Variants in NAV3 observed in about 807,000 individuals in gnomAD.
NAV3 encodes neuron navigator 3.
NAV3 carries 87 observed loss-of-function variants against 244.7 expected under a neutral mutation model. That is an observed-to-expected ratio of 0.36 (90% CI 0.30 to 0.42). The LOEUF (loss-of-function observed/expected upper bound fraction) is 0.42. Ranked by LOEUF, NAV3 falls within the 20% of genes least tolerant of loss-of-function variation. NAV3 has a pLI of 1.00. For synonymous variants in NAV3, 1,126 were observed against 1,042.2 expected (o/e 1.08, Z -1.55); for missense variants, 2,663 against 2,893.3 (o/e 0.92, Z 1.83).
intron 9 of NAV3, among the ~76,000 whole-genome samples, chr12:78,042,796 A>T (rs944493391): frequency 1.3e-5 from 2 of 152,164 alleles, no homozygotes; most frequent in African/African-American, 4.8e-5. Context: ...CTAAAAATGA[A>T]AATGAAATAA....
At chr12:77,869,975 C>G (rs1880690372) in intron 1 of NAV3, among the ~76,000 whole-genome samples, 1 of 152,144 alleles carries the variant, frequency 6.6e-6, no homozygotes, top group African/African-American at 2.4e-5. Flanking sequence ...AACACATGCT[C>G]TTTTGTTGTT....
At chr12:77,730,318 A>C (rs1389856734) in intron 2 of NAV3, among the ~76,000 whole-genome samples, 1 of 151,968 alleles carries the variant, frequency 6.6e-6, no homozygotes, top group Non-Finnish European at 1.5e-5. Flanking sequence ...CACAGGAAAG[A>C]TGAATAGGAT....
chr12:77,712,268 T>G (rs113036147), intron 2 of NAV3, among the ~76,000 whole-genome samples: 11 of 152,194 alleles, frequency 7.2e-5, no homozygotes, highest in African/African-American at 2.7e-4. Context: ...ACTGGACCAA[T>G]GAAAGATTCT....
intron 2 of NAV3, among the ~76,000 whole-genome samples, chr12:77,773,837 G>C (rs1011679446): frequency 1.3e-5 from 2 of 151,998 alleles, no homozygotes; most frequent in African/African-American, 4.8e-5. Flanking sequence ...TTTTAGGTCA[G>C]CTAATCCCTG....
chr12:78,092,486 A>ATTTTTTT (rs1953998816), intron 12 of NAV3, among the ~76,000 whole-genome samples: 2 of 59,128 alleles, frequency 3.4e-5, no homozygotes, highest in Admixed American at 1.7e-4. Context: ...AGCGTTAGTT[A>ATTTTTTT]TTTTCTTTTT....
chr12:77,783,459 G>T (rs1008428466), intron 2 of NAV3: 1 of 152,166 alleles, frequency 6.6e-6, no homozygotes, highest in Non-Finnish European at 1.5e-5. Flanking sequence ...GAAGGGTGTG[G>T]TGCACAGAGG....
At chr12:77,721,321 G>C (rs190536971) in intron 2 of NAV3, among the ~76,000 whole-genome samples, 1 of 151,828 alleles carries the variant, frequency 6.6e-6, no homozygotes, top group Non-Finnish European at 1.5e-5. Flanking sequence ...AACCTAATTC[G>C]TACAGCTGGT....
At chr12:77,685,506 C>CACACAT (rs34407806) in intron 2 of NAV3, among the ~76,000 whole-genome samples, 22,210 of 150,572 alleles carry the variant, frequency 0.15, 1,876 homozygotes, top group Non-Finnish European at 0.19. Flanking sequence ...CACACACACA[C>CACACAT]ATACCCACAC....
At chr12:77,711,878 T>G (rs1429514479) in intron 2 of NAV3, among the ~76,000 whole-genome samples, 1 of 152,186 alleles carries the variant, frequency 6.6e-6, no homozygotes, top group East Asian at 1.9e-4. Flanking sequence ...GCATCCTATT[T>G]GTGTCTCCTG....
chr12:77,627,297 C>T (rs933913461), intron 2 of NAV3, among the ~76,000 whole-genome samples: 3 of 152,020 alleles, frequency 2.0e-5, no homozygotes, highest in Non-Finnish European at 2.9e-5. Context: ...ATATGTCCCA[C>T]TATATGAAAT....
At chr12:77,621,200 T>G (rs1871355412) in intron 2 of NAV3, among the ~76,000 whole-genome samples, 1 of 152,206 alleles carries the variant, frequency 6.6e-6, no homozygotes, top group Non-Finnish European at 1.5e-5. Flanking sequence ...CTCCTATATT[T>G]TCTAGATCAA....
intron 8 of NAV3, 43 bp downstream of exon 8, chr12:78,007,488 A>AACTGT: frequency 6.4e-7 from 1 of 1,566,678 alleles, no homozygotes; most frequent in Non-Finnish European, 8.7e-7. Flanking sequence ...ATATATTTAC[A>AACTGT]GGCCTACATA....
At chr12:77,819,863 G>A (rs2136026667) in intron 2 of NAV3, among the ~76,000 whole-genome samples, 1 of 152,214 alleles carries the variant, frequency 6.6e-6, no homozygotes, top group South Asian at 2.1e-4. Flanking sequence ...ACATATGTGT[G>A]GTTCGTAAAA....
chr12:77,702,623 T>C (rs1180862077), intron 2 of NAV3, among the ~76,000 whole-genome samples: 1 of 152,002 alleles, frequency 6.6e-6, no homozygotes, highest in Non-Finnish European at 1.5e-5. Context: ...ATATTCATTC[T>C]AAGCTCTCAC....
rs1459599198 is a variant in NAV3, at chr12:78,122,213, A to C, written c.4023A>C (p.Ser1341=). ...SSPASVHSFT[S]GGLVWAANMS... is the part of the protein sequence containing the mutation. ...CAGCATCGGTTCACTCTTTCACATC[A>C]GGTGGTCTCGTGTGGGCTGCCAATA... Residue 1341 remains serine, a synonymous_variant, in exon 16 of 40, where the codon TCA becomes TCC. Coordinates refer to ENST00000397909, the MANE Select transcript of NAV3 (RefSeq NM_001024383.2). The C allele has an allele frequency of 1.2e-6, 2 of 1,613,980 alleles. No homozygotes were observed. The highest frequency in any genetic ancestry group is 3.3e-5 in the Admixed American group (2 of 59,998).
At chr12:77,951,361 C>T (rs913283814) in intron 3 of NAV3, among the ~76,000 whole-genome samples, 6 of 152,078 alleles carry the variant, frequency 3.9e-5, no homozygotes, top group Non-Finnish European at 5.9e-5. Context: ...AAACCAAAAC[C>T]GCAATGAGAT....
intron 1 of NAV3, among the ~76,000 whole-genome samples, chr12:77,889,602 A>G (rs1264818762): frequency 6.6e-6 from 1 of 152,208 alleles, no homozygotes; most frequent in Non-Finnish European, 1.5e-5. Flanking sequence ...TGTTATACTG[A>G]ACTCTATAAG....
At position 77,959,843 on chromosome 12, in the gene NAV3, C is replaced by T. The variant is rs991007158; in HGVS notation, c.415-6386C>T. On this transcript the variant is annotated intron_variant, in intron 3 of 39. Coordinates refer to ENST00000397909, the MANE Select transcript of NAV3 (RefSeq NM_001024383.2). ...TTCTCACTCATTTGCCTGTTGTGAT[C>T]GTGTTTTGGTTTTCTATTCTCATCA... Among the ~76,000 whole-genome samples, 9 of 126,304 alleles carry T rather than the reference C, an allele frequency of 7.1e-5. No homozygotes were observed. In the East Asian group the frequency reaches 1.5e-3, roughly 21 times the overall value. The allele number at this position is 126,304 out of a possible 152,430, so 82.9% of individuals were successfully genotyped here.
chr12:77,741,756 C>T (rs562298493), intron 2 of NAV3, among the ~76,000 whole-genome samples: 1 of 152,168 alleles, frequency 6.6e-6, no homozygotes, highest in South Asian at 2.1e-4. Context: ...TCAATATTTT[C>T]TTAGGAATGT....
Sources: allele counts gnomAD v4.1 joint callset (sites outside exome capture counted in the v4.1 genomes callset), GRCh38; gene constraint gnomAD v4.1.1; transcripts MANE v1.5; gene names NCBI Gene and HGNC (gene_info 2026-07-23, HGNC 2026-07-21).